The following SH2B2 variants were observed in gnomAD, a reference collection of about 807,000 sequenced individuals.
SH2B2 encodes SH2B adaptor protein 2.
SH2B2 carries 37 observed loss-of-function variants against 35.7 expected under a neutral mutation model. The ratio of observed to expected loss-of-function variants is 1.04; its 90% CI spans 0.80 to 1.36. The LOEUF (loss-of-function observed/expected upper bound fraction) is 1.36, where lower values mean the gene tolerates loss of function less well. Ranked by LOEUF, SH2B2 falls within the 40% of genes most tolerant of loss-of-function variation. SH2B2 has a pLI of 0.00. For synonymous variants in SH2B2, 383 were observed against 376.4 expected, an observed-to-expected ratio of 1.02 and a Z score of -0.20; for missense variants, 852 against 817.7, an observed-to-expected ratio of 1.04 and a Z score of -0.51.
In SH2B2 at chr7:102,320,466, C is replaced by T. The variant is rs781899606; in HGVS notation, c.1531C>T (p.Leu511Phe). The change falls in exon 8 of 9, where the codon CTT becomes TTT. Residue 511 changes from leucine to phenylalanine, a missense_variant. Coordinates refer to ENST00000444095, the MANE Select transcript of SH2B2 (RefSeq NM_001359228.2). ...LESGGSADITLRSYVRAQDPP... is the reference protein window; with the variant it reads ...LESGGSADITFRSYVRAQDPP... ...GTCAGGGGGCTCGGCCGACATCACCCTTCGCAGCTATGTGCGGGCCCAGGA... is the reference window on the plus strand; with the variant it reads ...GTCAGGGGGCTCGGCCGACATCACCTTTCGCAGCTATGTGCGGGCCCAGGA... 2 of 1,613,670 alleles carry T rather than the reference C, an allele frequency of 1.2e-6. No individual in the cohort carries two copies. Among genetic ancestry groups the T allele is most frequent in the Non-Finnish European group, 1.7e-6 (2 of 1,179,878 alleles).
upstream of SH2B2, chr7:102,286,791 G>C (rs1334487925): frequency 1.5e-3 from 183 of 125,588 alleles, 2 homozygotes; most frequent in African/African-American, 4.8e-3. Flanking sequence ...ACGCGCGAGG[G>C]GGGGCGGGGC....
rs782198654 is a variant in SH2B2 at position 102,320,510 on chromosome 7, G to A, written c.1567+8G>A. ...CCCAGGACCCCCCACCAGGTAAGAT[G>A]CCGCCACCTGGCTGGTGTGATTACT... On this transcript the variant is annotated splice_region_variant and intron_variant, in intron 8 of 8. Transcript: ENST00000444095. 5.6e-6 allele frequency: 9 copies of A among 1,609,060 alleles called. No individual in the cohort carries two copies. Among genetic ancestry groups the A allele is most frequent in the Non-Finnish European group, 7.6e-6 (9 of 1,178,582 alleles).
At chr7:102,315,588 A>G (rs1446061325) in intron 6 of SH2B2, among the ~76,000 whole-genome samples, 1 of 151,816 alleles carries the variant, frequency 6.6e-6, no homozygotes, top group Non-Finnish European at 1.5e-5. Flanking sequence ...GGTGTGAGCC[A>G]CCACGCCTGG....
At chr7:102,293,358 C>T (rs1317153188) in intron 1 of SH2B2, among the ~76,000 whole-genome samples, 4 of 151,646 alleles carry the variant, frequency 2.6e-5, no homozygotes, top group African/African-American at 9.7e-5. Context: ...TTAGGAGAGG[C>T]CGTGGCCTGG....
At chr7:102,293,354 G>A (rs566214135) in intron 1 of SH2B2, among the ~76,000 whole-genome samples, 294 of 151,838 alleles carry the variant, frequency 1.9e-3, no homozygotes, top group African/African-American at 6.7e-3. Flanking sequence ...GGGGTTAGGA[G>A]AGGCCGTGGC....
chr7:102,309,010 A>T, intron 4 of SH2B2, 104 bp downstream of exon 4: 1 of 896,934 alleles, frequency 1.1e-6, no homozygotes, highest in East Asian at 2.4e-5. Context: ...TCAGCTTGAG[A>T]AATGAGCAAT....
At position 102,315,779 on chromosome 7, in the gene SH2B2, A is replaced by AGGAGGGAG. The variant is rs1258539158; in HGVS notation, c.1186+1113_1186+1120dup. Among the ~76,000 whole-genome samples the AGGAGGGAG allele has an allele frequency of 4.0e-5, 4 of 99,770 alleles. No individual in the cohort carries two copies. The East Asian group carries it at 9.4e-4, about 23-fold the overall frequency. The allele number at this position is 99,770 out of a possible 152,430, so 65.5% of individuals were successfully genotyped here. A position where few individuals can be genotyped will look rare whatever the true frequency, so the allele number is the denominator to read the frequency against. ...AAAAAAAAAGAAAAGAAAAGAAGAA[A>AGGAGGGAG]GGAGGGAGGGAGGGAGGGAGGGAAG... On this transcript the variant is annotated intron_variant, in intron 6 of 8. Coordinates refer to ENST00000444095, the MANE Select transcript of SH2B2 (RefSeq NM_001359228.2).
intron 2 of SH2B2, among the ~76,000 whole-genome samples, chr7:102,305,718 C>T (rs1793364377): frequency 6.6e-6 from 1 of 152,070 alleles, no homozygotes; most frequent in South Asian, 2.1e-4. Flanking sequence ...ATGTATTTCT[C>T]ACAATGGGTC....
rs1586604126 is a variant in SH2B2, at chr7:102,317,167, C to T, written c.1187-20C>T. The T allele has an allele frequency of 6.4e-7, 1 of 1,557,882 alleles. No individual in the cohort carries two copies. The highest frequency in any genetic ancestry group is 1.2e-5 in the South Asian group (1 of 85,560). On this transcript the variant is annotated intron_variant, in intron 6 of 8. Coordinates refer to ENST00000444095, the MANE Select transcript of SH2B2 (RefSeq NM_001359228.2). The stretch of plus-strand genomic sequence containing the variant: ...TTTCTCCTTCCCCCCATGTTCCTCA[C>T]ACTGTCATCCCCACCTCAGGGGAAC...
rs569747278 is a variant in SH2B2 at position 102,320,507 on chromosome 7, G to A, written c.1567+5G>A. On this transcript the variant is annotated splice_donor_5th_base_variant and intron_variant, in intron 8 of 8. Transcript: ENST00000444095. The stretch of plus-strand genomic sequence containing the variant: ...GGGCCCAGGACCCCCCACCAGGTAA[G>A]ATGCCGCCACCTGGCTGGTGTGATT... The A allele has an allele frequency of 3.1e-6, 5 of 1,609,724 alleles. No individual in the cohort carries two copies. In the South Asian group the frequency reaches 4.4e-5, roughly 14 times the overall value.
intron 1 of SH2B2, among the ~76,000 whole-genome samples, chr7:102,296,719 G>A (rs1174180292): frequency 1.3e-5 from 2 of 152,226 alleles, no homozygotes; most frequent in African/African-American, 4.8e-5. Context: ...ATTTGAATGG[G>A]AATTCTGGGG....
At chr7:102,302,193 T>G (rs1488767114) in intron 2 of SH2B2, among the ~76,000 whole-genome samples, 1 of 152,230 alleles carries the variant, frequency 6.6e-6, no homozygotes, top group Non-Finnish European at 1.5e-5. Context: ...TTCAAGAGCC[T>G]GGCTACCTGC....
At chr7:102,285,659 T>TG (rs1792415673), upstream of SH2B2, among the ~76,000 whole-genome samples, 1 of 152,138 alleles carries the variant, frequency 6.6e-6, no homozygotes, top group Non-Finnish European at 1.5e-5. Flanking sequence ...ATAAAAACCC[T>TG]TGTCTGTAAA....
chr7:102,307,018 C>G (rs1793430242), intron 3 of SH2B2, among the ~76,000 whole-genome samples, 196 bp downstream of exon 3: 2 of 152,246 alleles, frequency 1.3e-5, no homozygotes, highest in African/African-American at 4.8e-5. Flanking sequence ...CTGGGCTCCA[C>G]AGCCAGGTGC....
intron 4 of SH2B2, among the ~76,000 whole-genome samples, chr7:102,313,672 T>C (rs1342664864): frequency 6.6e-6 from 1 of 152,046 alleles, no homozygotes; most frequent in Admixed American, 6.6e-5. Flanking sequence ...CCCAGCATTT[T>C]TGGAGGACGA....
At chr7:102,294,280 G>A (rs1554552244) in intron 1 of SH2B2, among the ~76,000 whole-genome samples, 1 of 152,058 alleles carries the variant, frequency 6.6e-6, no homozygotes, top group Non-Finnish European at 1.5e-5. Context: ...TACCTGCCTC[G>A]GCCTCCCAAA....
chr7:102,309,355 CTTTTTT>C (rs35826295), intron 4 of SH2B2: 153 of 183,938 alleles, frequency 8.3e-4, no homozygotes, highest in Admixed American at 1.2e-3. Flanking sequence ...CTCTCTCTCT[CTTTTTT>C]TTTTTTTTTT....
chr7:102,303,024 A>G (rs781907380), intron 2 of SH2B2, among the ~76,000 whole-genome samples: 18 of 152,084 alleles, frequency 1.2e-4, no homozygotes, highest in Non-Finnish European at 2.1e-4. Flanking sequence ...ACCTGAGGTC[A>G]GGGGTTCGTG....
Position 102,320,895 on chromosome 7 carries a change from G to T in SH2B2, c.1567+393G>T, listed in dbSNP as rs561193895. Among the ~76,000 whole-genome samples, 6 of 152,310 alleles carry T rather than the reference G, an allele frequency of 3.9e-5. No homozygotes were observed. The South Asian group carries it at 1.2e-3, about 32-fold the overall frequency. Reference sequence around the variant, plus strand: ...GGGACCGAGCACTAAGGGCATGGGTGCATGTGCATGCGTGTGCTTGTGTGT... The same window carrying T: ...GGGACCGAGCACTAAGGGCATGGGTTCATGTGCATGCGTGTGCTTGTGTGT... On this transcript the variant is annotated intron_variant, in intron 8 of 8. Transcript: ENST00000444095.
Sources: gnomAD v4.1 joint callset for allele counts (sites outside exome capture counted in the v4.1 genomes callset) on GRCh38, gnomAD v4.1.1 for gene constraint, MANE v1.5 for transcripts, NCBI Gene and HGNC (gene_info 2026-07-23, HGNC 2026-07-21) for gene names.